CCDC102B: variants seen among roughly 807,000 people sequenced by gnomAD.
The protein encoded by CCDC102B is coiled-coil domain containing 102B.
A neutral mutation model predicts 57.4 loss-of-function variants in CCDC102B; 75 were observed. The observed-to-expected ratio is 1.31, with a 90% CI of 1.08 to 1.58. CCDC102B has a LOEUF of 1.58. Among genes scored for constraint, CCDC102B ranks in the 40% most tolerant of loss-of-function variants. The pLI is 0.00. For synonymous variants in CCDC102B, 206 were observed against 201.9 expected (o/e 1.02, Z -0.17); for missense variants, 636 against 582.6 (o/e 1.09, Z -0.94).
chr18:68,809,448 T>A (rs764606594), intron 1 of CCDC102B, among the ~76,000 whole-genome samples: 52 of 152,226 alleles, frequency 3.4e-4, no homozygotes, highest in Non-Finnish European at 5.7e-4. Context: ...GTTTTCGATG[T>A]ACATAAAAAC....
intron 4 of CCDC102B, among the ~76,000 whole-genome samples, chr18:68,851,975 G>T (rs1030805914): frequency 1.3e-5 from 2 of 152,168 alleles, no homozygotes; most frequent in East Asian, 1.9e-4. Flanking sequence ...CTTATCAGAA[G>T]TCTTTACAGG....
At position 68,907,419 on chromosome 18, in the gene CCDC102B, G is replaced by A. The variant is rs565844627; in HGVS notation, c.1263+9991G>A. On this transcript the variant is annotated intron_variant, in intron 6 of 7. Coordinates refer to ENST00000360242, the MANE Select transcript of CCDC102B (RefSeq NM_024781.3). ...CAGAGTATTAACAGTTTAATGTTAC[G>A]TATTCTTATCTGTGCATATATCTTT... 1.5e-3 allele frequency among the ~76,000 whole-genome samples: 234 copies of A among 151,456 alleles called. 1 individual carries two copies. Among genetic ancestry groups the A allele is most frequent in the African/African-American group, 4.6e-3 (192 of 41,368 alleles).
chr18:68,786,358 G>C (rs1451635893), intron 2 of CCDC102B, among the ~76,000 whole-genome samples: 1 of 136,660 alleles, frequency 7.3e-6, no homozygotes, highest in Non-Finnish European at 1.6e-5. Flanking sequence ...TTCCAATTCT[G>C]TGAAGAAAGT....
At chr18:68,916,478 T>C (rs2041077641) in intron 6 of CCDC102B, among the ~76,000 whole-genome samples, 1 of 152,134 alleles carries the variant, frequency 6.6e-6, no homozygotes, top group South Asian at 2.1e-4. Flanking sequence ...CAGTTCCAAA[T>C]CCAGATCTCT....
At chr18:68,925,401 C>G (rs1234327524) in intron 6 of CCDC102B, among the ~76,000 whole-genome samples, 1 of 151,864 alleles carries the variant, frequency 6.6e-6, no homozygotes, top group African/African-American at 2.4e-5. Context: ...CACAGCACAC[C>G]CAAAAGGGGA....
At chr18:69,044,191 G>A (rs1247400866) in intron 7 of CCDC102B, among the ~76,000 whole-genome samples, 1 of 152,144 alleles carries the variant, frequency 6.6e-6, no homozygotes, top group Non-Finnish European at 1.5e-5. Context: ...CCTACTGACA[G>A]TAGAATAGAG....
intron 2 of CCDC102B, among the ~76,000 whole-genome samples, chr18:68,777,074 T>C (rs1351764010): frequency 1.3e-5 from 2 of 152,200 alleles, no homozygotes; most frequent in Non-Finnish European, 2.9e-5. Context: ...TGGGGAAATT[T>C]TGAACTCAAA....
chr18:69,040,930 G>A (rs547986138), intron 7 of CCDC102B, among the ~76,000 whole-genome samples: 28 of 151,948 alleles, frequency 1.8e-4, no homozygotes, highest in Non-Finnish European at 3.5e-4. Flanking sequence ...CCACAGGTAG[G>A]AAGCTCCCAG....
At chr18:68,897,541 G>A (rs2040287662) in intron 6 of CCDC102B, 113 bp downstream of exon 6, 2 of 1,549,902 alleles carry the variant, frequency 1.3e-6, no homozygotes, top group African/African-American at 2.7e-5. Context: ...TTTTGTGCCA[G>A]CTAATACCTG....
At chr18:68,783,151 G>C (rs545671483) in intron 2 of CCDC102B, among the ~76,000 whole-genome samples, 53 of 152,290 alleles carry the variant, frequency 3.5e-4, no homozygotes, top group African/African-American at 1.2e-3. Flanking sequence ...GCCTGGGAAG[G>C]CTCCTGTTTT....
intron 2 of CCDC102B, among the ~76,000 whole-genome samples, chr18:68,723,101 G>A (rs904679287): frequency 6.6e-6 from 1 of 151,990 alleles, no homozygotes; most frequent in Non-Finnish European, 1.5e-5. Context: ...CTCTTCACAG[G>A]GTGGCAGGAC....
chr18:68,716,124 T>G (rs2031966216), intron 1 of CCDC102B, among the ~76,000 whole-genome samples: 1 of 152,034 alleles, frequency 6.6e-6, no homozygotes, highest in Non-Finnish European at 1.5e-5. Context: ...TTTTTTTCTT[T>G]TTTTTTTAAG....
intron 2 of CCDC102B, among the ~76,000 whole-genome samples, chr18:68,720,689 G>A (rs1250417237): frequency 6.6e-6 from 1 of 152,032 alleles, no homozygotes; most frequent in Admixed American, 6.5e-5. Flanking sequence ...GCATAGATTT[G>A]TAAGCATTGC....
At chr18:68,900,030 T>G (rs748220837) in intron 6 of CCDC102B, 4 of 152,118 alleles carry the variant, frequency 2.6e-5, no homozygotes, top group Admixed American at 6.6e-5. Flanking sequence ...GATTGGAAAA[T>G]TACTACTCTG....
At chr18:68,779,146 C>A (rs907900264) in intron 2 of CCDC102B, among the ~76,000 whole-genome samples, 1 of 151,854 alleles carries the variant, frequency 6.6e-6, no homozygotes, top group Admixed American at 6.6e-5. Flanking sequence ...GCTTGATAAA[C>A]AAAAAATAAA....
At chr18:68,835,462 G>GCTTCT (rs2037327407) in intron 1 of CCDC102B, among the ~76,000 whole-genome samples, 1 of 152,066 alleles carries the variant, frequency 6.6e-6, no homozygotes, top group South Asian at 2.1e-4. Flanking sequence ...ACTTAACTCT[G>GCTTCT]CTTCTCTCAC....
chr18:68,897,305 T>C lies in CCDC102B; in HGVS notation c.1140T>C (p.Asn380=). Residue 380 remains asparagine (N), a synonymous_variant, in exon 6 of 8, where the codon AAT becomes AAC. Coordinates refer to ENST00000360242, the MANE Select transcript of CCDC102B (RefSeq NM_024781.3). ...EREKQGLERE[N]RRLKIQVKEM... The stretch of plus-strand genomic sequence containing the variant: ...AAAAGCAGGGACTGGAGAGAGAAAA[T>C]AGAAGGCTGAAGATCCAGGTGAAAG... 6.2e-7 allele frequency: 1 copy of C among 1,612,828 alleles called. No homozygotes were observed. The highest frequency in any genetic ancestry group is 2.2e-5 in the East Asian group (1 of 44,842).
At chr18:68,911,688 C>T (rs113472692) in intron 6 of CCDC102B, among the ~76,000 whole-genome samples, 1 of 127,028 alleles carries the variant, frequency 7.9e-6, no homozygotes. Flanking sequence ...GGAGGCGGAG[C>T]TTGCAGTGAG....
intron 7 of CCDC102B, among the ~76,000 whole-genome samples, chr18:69,050,322 C>A (rs1052265420): frequency 6.6e-6 from 1 of 152,158 alleles, no homozygotes; most frequent in Non-Finnish European, 1.5e-5. Flanking sequence ...ATCATTTCTG[C>A]TTCATCTTAG....
Sources: gnomAD v4.1 joint callset for allele counts (sites outside exome capture counted in the v4.1 genomes callset) on GRCh38, gnomAD v4.1.1 for gene constraint, MANE v1.5 for transcripts, NCBI Gene and HGNC (gene_info 2026-07-23, HGNC 2026-07-21) for gene names.